PCDH9: variants seen among roughly 807,000 people sequenced by gnomAD.
PCDH9 encodes the protein protocadherin-9.
Under a neutral mutation model 70.6 loss-of-function variants are expected in PCDH9, and 24 were observed. The observed-to-expected ratio is 0.34, with a 90% CI of 0.25 to 0.48. PCDH9 has a LOEUF of 0.48. Among genes scored for constraint, PCDH9 ranks in the 20% least tolerant of loss-of-function variants. The probability of loss-of-function intolerance (pLI) is 0.99; values close to 1 mark genes in which losing one functional copy is unlikely to be tolerated. For synonymous variants in PCDH9, 562 were observed against 558.5 expected, an observed-to-expected ratio of 1.01 and a Z score of -0.09; for missense variants, 1,281 against 1,503.6, an observed-to-expected ratio of 0.85 and a Z score of 2.45.
At chr13:66,627,737 G>T (rs2077517335) in intron 4 of PCDH9, among the ~76,000 whole-genome samples, 1 of 152,140 alleles carries the variant, frequency 6.6e-6, no homozygotes, top group Non-Finnish European at 1.5e-5. Context: ...TGAATGTTGG[G>T]CTGCCCAAGG....
At chr13:66,965,951 A>G (rs1267585164) in intron 2 of PCDH9, among the ~76,000 whole-genome samples, 1 of 152,132 alleles carries the variant, frequency 6.6e-6, no homozygotes, top group Non-Finnish European at 1.5e-5. Flanking sequence ...TTCAAGGTCA[A>G]AGAATACTTT....
intron 2 of PCDH9, among the ~76,000 whole-genome samples, chr13:67,125,752 A>T (rs1215563936): frequency 6.6e-6 from 1 of 151,898 alleles, no homozygotes; most frequent in Non-Finnish European, 1.5e-5. Context: ...ATTTTGCATT[A>T]ATTTGCCTTT....
At position 66,304,566 on chromosome 13, in the gene PCDH9, G is replaced by A. The variant is rs1593770617; in HGVS notation, c.*89C>T. The A allele has an allele frequency of 2.0e-6, 2 of 1,020,524 alleles. No individual in the cohort carries two copies. Among genetic ancestry groups the A allele is most frequent in the East Asian group, 4.8e-5 (2 of 41,878 alleles). The allele number at this position is 1,020,524 out of a possible 1,614,324, so 63.2% of individuals were successfully genotyped here. On this transcript the variant is annotated 3_prime_UTR_variant, in exon 5 of 5. Coordinates refer to ENST00000377865, the MANE Select transcript of PCDH9 (RefSeq NM_203487.3). ...AGGTATCCCTGCTAGAAGGGGCATA[G>A]TTGTAGAGATCTATTGAATACATAA... is the stretch of plus-strand genomic sequence containing the variant.
At chr13:67,186,146 C>A (rs1285193993) in intron 2 of PCDH9, among the ~76,000 whole-genome samples, 1 of 152,012 alleles carries the variant, frequency 6.6e-6, no homozygotes, top group African/African-American at 2.4e-5. Flanking sequence ...AAACAATCGG[C>A]TGTTGGGAAG....
chr13:66,603,155 T>C lies in PCDH9; in HGVS notation c.3340+28055A>G, dbSNP rs529534155. Reference sequence around the variant, plus strand: ...ATTCAAGAAAGTAAGTCCTATGAGTTTGAAAAGAAATTAGAGTTTAAAAGA... The same window carrying C: ...ATTCAAGAAAGTAAGTCCTATGAGTCTGAAAAGAAATTAGAGTTTAAAAGA... On this transcript the variant is annotated intron_variant, in intron 4 of 4. Coordinates refer to ENST00000377865, the MANE Select transcript of PCDH9 (RefSeq NM_203487.3). Among the ~76,000 whole-genome samples, 31 of 145,782 alleles carry C rather than the reference T, an allele frequency of 2.1e-4. 4 individuals are homozygous for C. Among genetic ancestry groups the C allele is most frequent in the Non-Finnish European group, 4.0e-4 (26 of 64,782 alleles).
At chr13:67,098,542 A>T (rs1158624640) in intron 2 of PCDH9, among the ~76,000 whole-genome samples, 1 of 152,134 alleles carries the variant, frequency 6.6e-6, no homozygotes, top group Non-Finnish European at 1.5e-5. Context: ...CTTTAGCTAA[A>T]TCCTGTTTCT....
At chr13:66,656,931 C>G (rs1378758802) in intron 3 of PCDH9, among the ~76,000 whole-genome samples, 3 of 152,088 alleles carry the variant, frequency 2.0e-5, no homozygotes, top group African/African-American at 7.2e-5. Flanking sequence ...AGCATCTGAA[C>G]TTTTAAAAAG....
intron 4 of PCDH9, among the ~76,000 whole-genome samples, chr13:66,384,210 G>A (rs529697459): frequency 1.3e-4 from 19 of 151,902 alleles, no homozygotes; most frequent in Non-Finnish European, 2.4e-4. Context: ...TATTGTTAAA[G>A]GTTGAATACA....
intron 4 of PCDH9, among the ~76,000 whole-genome samples, chr13:66,463,126 A>T (rs1958454468): frequency 6.6e-6 from 1 of 151,798 alleles, no homozygotes; most frequent in Admixed American, 6.6e-5. Context: ...TTAATCACCT[A>T]AGTGATACTT....
At chr13:66,957,228 T>C (rs1455327622) in intron 2 of PCDH9, among the ~76,000 whole-genome samples, 1 of 152,230 alleles carries the variant, frequency 6.6e-6, no homozygotes, top group Non-Finnish European at 1.5e-5. Flanking sequence ...AACATCTTTC[T>C]GACATGTGCT....
chr13:66,728,011 G>C (rs1378672591), intron 3 of PCDH9, among the ~76,000 whole-genome samples: 1 of 152,084 alleles, frequency 6.6e-6, no homozygotes, highest in African/African-American at 2.4e-5. Flanking sequence ...TTCAAAATAT[G>C]TCTCTCCATA....
chr13:66,918,595 G>T (rs528732095), intron 2 of PCDH9, among the ~76,000 whole-genome samples: 17 of 151,002 alleles, frequency 1.1e-4, no homozygotes, highest in African/African-American at 3.6e-4. Flanking sequence ...TATAATCATG[G>T]TAGCAATAAA....
intron 3 of PCDH9, among the ~76,000 whole-genome samples, chr13:66,814,009 C>G (rs2080558185): frequency 6.6e-6 from 1 of 152,144 alleles, no homozygotes; most frequent in South Asian, 2.1e-4. Context: ...AAAACAGTCA[C>G]ATTAATGTGT....
At chr13:66,838,330 A>AT in intron 3 of PCDH9, among the ~76,000 whole-genome samples, 1 of 152,122 alleles carries the variant, frequency 6.6e-6, no homozygotes, top group South Asian at 2.1e-4. Flanking sequence ...TTGCAGGAGT[A>AT]TTTTTATTTC....
chr13:66,896,080 C>A (rs555066067), intron 3 of PCDH9, among the ~76,000 whole-genome samples: 3 of 152,134 alleles, frequency 2.0e-5, no homozygotes, highest in Admixed American at 1.3e-4. Context: ...CTGTCAAATG[C>A]GGCTCTTCCT....
At chr13:66,706,733 G>A (rs2078716518) in intron 3 of PCDH9, among the ~76,000 whole-genome samples, 1 of 152,184 alleles carries the variant, frequency 6.6e-6, no homozygotes, top group Non-Finnish European at 1.5e-5. Context: ...TCTTTGCCCA[G>A]TGAAAATGTG....
chr13:66,991,247 A>G (rs1198441549), intron 2 of PCDH9: 5 of 152,074 alleles, frequency 3.3e-5, no homozygotes, highest in Non-Finnish European at 7.4e-5. Flanking sequence ...ATCCATTACT[A>G]TCTAAAAACT....
At chr13:67,038,967 T>A (rs1382463777) in intron 2 of PCDH9, among the ~76,000 whole-genome samples, 1 of 152,202 alleles carries the variant, frequency 6.6e-6, no homozygotes, top group East Asian at 1.9e-4. Flanking sequence ...TTGGAACTTT[T>A]GACCCCACCT....
At chr13:66,676,006 T>C (rs2078238193) in intron 3 of PCDH9, among the ~76,000 whole-genome samples, 1 of 152,182 alleles carries the variant, frequency 6.6e-6, no homozygotes, top group African/African-American at 2.4e-5. Context: ...CTCCCCAACA[T>C]TGTGTAACAA....
Sources: gnomAD v4.1 joint callset for allele counts (sites outside exome capture counted in the v4.1 genomes callset) on GRCh38, gnomAD v4.1.1 for gene constraint, MANE v1.5 for transcripts, NCBI Gene and HGNC (gene_info 2026-07-23, HGNC 2026-07-21) for gene names.